Variants in PIK3C2G observed in about 807,000 individuals in gnomAD.
PIK3C2G encodes phosphatidylinositol 3-kinase C2 domain-containing subunit gamma.
A neutral mutation model predicts 181.1 loss-of-function variants in PIK3C2G; 168 were observed. That is an observed-to-expected ratio of 0.93 (90% CI 0.82 to 1.05). PIK3C2G has a LOEUF of 1.05. PIK3C2G is among the 50% of genes least tolerant of loss of function. The pLI, the probability that PIK3C2G is intolerant of heterozygous loss-of-function variation, is 0.00. For missense variants in PIK3C2G, 1,869 were observed against 1,732.8 expected (o/e 1.08, Z -1.40); for synonymous variants, 573 against 592.2 (o/e 0.97, Z 0.47).
chr12:18,286,743 TA>T, intron 2 of PIK3C2G, 103 bp from the exon 3 acceptor site: 1 of 637,204 alleles, frequency 1.6e-6, no homozygotes, highest in South Asian at 2.4e-5. Context: ...TAAAAAAAAT[TA>T]AAAATGAAGT....
chr12:18,548,222 G>A (rs549045203), intron 26 of PIK3C2G, among the ~76,000 whole-genome samples: 16 of 152,048 alleles, frequency 1.1e-4, no homozygotes, highest in African/African-American at 3.4e-4. Context: ...AGTGGGGCTG[G>A]GTGGGAAGAC....
intron 11 of PIK3C2G, chr12:18,358,522 T>C (rs888965645): frequency 2.1e-5 from 6 of 289,084 alleles, no homozygotes; most frequent in Non-Finnish European, 4.1e-5. Flanking sequence ...GAGACCAAAT[T>C]CTGAAATGGT....
At chr12:18,397,448 G>A (rs1943965709) in intron 15 of PIK3C2G, among the ~76,000 whole-genome samples, 1 of 151,840 alleles carries the variant, frequency 6.6e-6, no homozygotes, top group Non-Finnish European at 1.5e-5. Context: ...TCATGCAAAT[G>A]AATCTAAACA....
chr12:18,372,276 T>C (rs975849876), intron 13 of PIK3C2G, among the ~76,000 whole-genome samples: 19 of 151,972 alleles, frequency 1.3e-4, no homozygotes, highest in African/African-American at 4.3e-4. Context: ...TTCTATACCA[T>C]TGTTCCTTGA....
At position 18,613,323 on chromosome 12, in the gene PIK3C2G, C is replaced by T. The variant is rs1948438100; in HGVS notation, c.4182+3694C>T. Among the ~76,000 whole-genome samples the T allele has an allele frequency of 3.3e-5, 5 of 152,000 alleles. No homozygotes were observed. The South Asian group carries it at 1.0e-3, about 32-fold the overall frequency. On this transcript the variant is annotated intron_variant, in intron 31 of 32. Transcript: ENST00000538779. ...CCCACACTTTCTTAGGCTCTTAGAA[C>T]AAGGAGCAAGAAATGTCAGGAAAGA...
chr12:18,647,861 T>A lies in PIK3C2G; in HGVS notation c.4309-15T>A. 1.4e-6 allele frequency: 2 copies of A among 1,438,998 alleles called. No individual in the cohort carries two copies. The highest frequency in any genetic ancestry group is 3.0e-5 in the South Asian group (2 of 66,856). The allele number at this position is 1,438,998 out of a possible 1,614,324, so 89.1% of individuals were successfully genotyped here. A position where few individuals can be genotyped will look rare whatever the true frequency, so the allele number is the denominator to read the frequency against. On this transcript the variant is annotated splice_polypyrimidine_tract_variant and intron_variant, in intron 32 of 32. Transcript: ENST00000538779. ...CATTTCTGATTTATATTTTCATTAT[T>A]TTCTCCGTTTTTAGGTAGTATATGA...
At chr12:18,447,522 G>A (rs929672948) in intron 18 of PIK3C2G, among the ~76,000 whole-genome samples, 2 of 152,132 alleles carry the variant, frequency 1.3e-5, no homozygotes, top group Non-Finnish European at 2.9e-5. Context: ...CGCACTTCAT[G>A]TCAGGTGCCC....
rs1389825902 is a variant in PIK3C2G, at chr12:18,282,076, TA to T, written c.1del. 9.6e-6 allele frequency: 15 copies of T among 1,559,664 alleles called. No homozygotes were observed. In the African/African-American group the frequency reaches 1.9e-4, roughly 20 times the overall value. ...AGTCAACCCTCTCAGTTACATAAAA[TA>T]AAAAATGGCATATTCTTGGCAAACG... On this transcript the variant is annotated 5_prime_UTR_variant, in exon 2 of 33. Transcript: ENST00000538779.
At chr12:18,604,650 A>T (rs1947916162) in intron 30 of PIK3C2G, among the ~76,000 whole-genome samples, 1 of 152,188 alleles carries the variant, frequency 6.6e-6, no homozygotes, top group East Asian at 1.9e-4. Context: ...CAGGCCATAA[A>T]ATGAGCCTCA....
the PIK3C2G span, among the ~76,000 whole-genome samples, chr12:18,655,265 C>A: frequency 6.6e-6 from 1 of 152,090 alleles, no homozygotes; most frequent in Non-Finnish European, 1.5e-5. Flanking sequence ...GGTCCTCCAG[C>A]TGAAGGAAAA....
At chr12:18,683,780 C>A in the PIK3C2G span, 2 of 535,580 alleles carry the variant, frequency 3.7e-6, no homozygotes, top group East Asian at 1.2e-4. Context: ...TCTCCTCAGG[C>A]AGGAAGAATG....
Position 18,282,309 on chromosome 12 carries a change from T to C in PIK3C2G, c.228T>C (p.His76=), listed in dbSNP as rs768678066. 3 of 1,613,404 alleles carry C rather than the reference T, an allele frequency of 1.9e-6. No individual in the cohort carries two copies. The highest frequency in any genetic ancestry group is 2.2e-5 in the South Asian group (2 of 91,074). Reference sequence around the variant, plus strand: ...CACCAAAATGGGACTCAACAGGGCATTCATTAAATGAAGCACACCAAATAT... The same window carrying C: ...CACCAAAATGGGACTCAACAGGGCACTCATTAAATGAAGCACACCAAATAT... The part of the protein sequence containing the change: ...PTAPKWDSTG[H]SLNEAHQISL... Residue 76 remains histidine, a synonymous_variant, in exon 2 of 33, where the codon CAT becomes CAC. Coordinates refer to ENST00000538779, the MANE Select transcript of PIK3C2G (RefSeq NM_001288772.2).
At chr12:18,480,449 C>T (rs1394534665) in intron 18 of PIK3C2G, among the ~76,000 whole-genome samples, 3 of 152,036 alleles carry the variant, frequency 2.0e-5, no homozygotes, top group Non-Finnish European at 2.9e-5. Context: ...AACATGTGAA[C>T]ATATGTTACG....
chr12:18,276,611 A>G (rs916964556), intron 1 of PIK3C2G, among the ~76,000 whole-genome samples: 2 of 152,154 alleles, frequency 1.3e-5, no homozygotes, highest in African/African-American at 4.8e-5. Context: ...ATAAAATCCT[A>G]CAAATAAAAT....
At chr12:18,569,862 A>G (rs151104339) in intron 29 of PIK3C2G, among the ~76,000 whole-genome samples, 5 of 151,902 alleles carry the variant, frequency 3.3e-5, no homozygotes. Flanking sequence ...GGTCATTCGG[A>G]TATCTTCTTT....
intron 13 of PIK3C2G, among the ~76,000 whole-genome samples, chr12:18,371,882 C>T (rs1942088475): frequency 6.6e-6 from 1 of 152,028 alleles, no homozygotes; most frequent in Non-Finnish European, 1.5e-5. Context: ...AAATCAATTA[C>T]ATGATGTTCT....
intron 25 of PIK3C2G, among the ~76,000 whole-genome samples, chr12:18,538,960 C>A (rs1047086825): frequency 1.3e-5 from 2 of 151,936 alleles, no homozygotes; most frequent in Non-Finnish European, 2.9e-5. Flanking sequence ...ATAGAAATAT[C>A]TTCTAGGAGA....
chr12:18,686,564 A>T, the PIK3C2G span, among the ~76,000 whole-genome samples: 1 of 152,058 alleles, frequency 6.6e-6, no homozygotes, highest in Admixed American at 6.6e-5. Flanking sequence ...TTTAAGACTT[A>T]TATTATGGCT....
chr12:18,342,266 T>G (rs1939213306), intron 9 of PIK3C2G, among the ~76,000 whole-genome samples: 1 of 152,236 alleles, frequency 6.6e-6, no homozygotes, highest in Non-Finnish European at 1.5e-5. Context: ...ATGAAATATT[T>G]TGCCTAATAG....
Sources: allele counts gnomAD v4.1 joint callset (sites outside exome capture counted in the v4.1 genomes callset), GRCh38; gene constraint gnomAD v4.1.1; transcripts MANE v1.5; gene names NCBI Gene and HGNC (gene_info 2026-07-23, HGNC 2026-07-21).